The following TNS3 variants were observed in gnomAD, a reference collection of about 807,000 sequenced individuals.
TNS3 encodes the protein tensin-3.
Under a neutral mutation model 140.9 loss-of-function variants are expected in TNS3, and 45 were observed. The observed-to-expected ratio is 0.32, with a 90% CI of 0.25 to 0.41. The LOEUF (loss-of-function observed/expected upper bound fraction) is 0.41, where lower values mean the gene tolerates loss of function less well. TNS3 is among the 10% of genes least tolerant of loss of function. TNS3 has a pLI of 1.00. For missense variants in TNS3, 1,716 were observed against 1,906.7 expected, an observed-to-expected ratio of 0.90 and a Z score of 1.86; for synonymous variants, 815 against 788.4, an observed-to-expected ratio of 1.03 and a Z score of -0.56.
chr7:47,335,802 G>A (rs1243836335), intron 20 of TNS3, among the ~76,000 whole-genome samples: 1 of 152,206 alleles, frequency 6.6e-6, no homozygotes, highest in Non-Finnish European at 1.5e-5. Context: ...CAGTAGGAAT[G>A]ACTACTGTTG....
chr7:47,506,648 T>C (rs771093805), intron 3 of TNS3, among the ~76,000 whole-genome samples: 1 of 151,914 alleles, frequency 6.6e-6, no homozygotes, highest in Non-Finnish European at 1.5e-5. Context: ...GAAGGAGCTG[T>C]TGATGTGGCC....
chr7:47,423,517 G>A (rs1045915793), intron 10 of TNS3, among the ~76,000 whole-genome samples: 1 of 152,258 alleles, frequency 6.6e-6, no homozygotes, highest in Non-Finnish European at 1.5e-5. Flanking sequence ...GCAGAGAAGG[G>A]AGAGATGGGC....
chr7:47,374,766 G>A (rs1791279307), intron 16 of TNS3, among the ~76,000 whole-genome samples: 1 of 152,230 alleles, frequency 6.6e-6, no homozygotes, highest in Non-Finnish European at 1.5e-5. Context: ...TTCTGGTTTG[G>A]AAAAGTGATG....
chr7:47,428,435 A>T (rs1794766862), intron 8 of TNS3, 59 bp from the exon 9 acceptor site: 1 of 1,279,690 alleles, frequency 7.8e-7, no homozygotes, highest in South Asian at 2.3e-5. Flanking sequence ...AGATGTAATT[A>T]GAACAGGAAA....
chr7:47,524,286 G>C (rs1799097997), intron 2 of TNS3, among the ~76,000 whole-genome samples: 1 of 152,212 alleles, frequency 6.6e-6, no homozygotes. Flanking sequence ...TTAGGGTTGA[G>C]AAAATGGGCT....
chr7:47,508,222 G>A (rs1301758792), intron 2 of TNS3, among the ~76,000 whole-genome samples: 1 of 152,210 alleles, frequency 6.6e-6, no homozygotes, highest in East Asian at 1.9e-4. Flanking sequence ...CTTGCCCACT[G>A]CCTGGCAATT....
chr7:47,460,948 T>C (rs1796465403), intron 4 of TNS3, among the ~76,000 whole-genome samples: 2 of 152,228 alleles, frequency 1.3e-5, no homozygotes, highest in Non-Finnish European at 2.9e-5. Context: ...GTGCATCATA[T>C]ACCTTAACAT....
intron 16 of TNS3, among the ~76,000 whole-genome samples, chr7:47,371,971 C>T (rs1463050441): frequency 6.6e-6 from 1 of 152,254 alleles, no homozygotes; most frequent in Non-Finnish European, 1.5e-5. Context: ...AATGGCATAG[C>T]ACACGGGTGA....
At chr7:47,344,690 A>C in intron 20 of TNS3, 65 bp downstream of exon 20, 9 of 1,466,036 alleles carry the variant, frequency 6.1e-6, no homozygotes, top group Non-Finnish European at 8.4e-6. Context: ...TCTCTGTAAA[A>C]ATGGCGACCC....
At chr7:47,355,098 G>A (rs548832961) in intron 17 of TNS3, among the ~76,000 whole-genome samples, 4 of 152,360 alleles carry the variant, frequency 2.6e-5, no homozygotes, top group African/African-American at 9.6e-5. Context: ...GTTATTCACG[G>A]GTGGAGCCGG....
chr7:47,391,403 C>T (rs562227767), intron 16 of TNS3, among the ~76,000 whole-genome samples: 12 of 152,190 alleles, frequency 7.9e-5, no homozygotes, highest in South Asian at 6.2e-4. Context: ...ATATGAGATG[C>T]GTGAATATGA....
chr7:47,389,154 A>AGCAGC (rs1554310555), intron 16 of TNS3, among the ~76,000 whole-genome samples: 1 of 82,208 alleles, frequency 1.2e-5, no homozygotes, highest in African/African-American at 4.2e-5. Context: ...GAAGAAGAAG[A>AGCAGC]AGCAGAAGAA....
intron 2 of TNS3, among the ~76,000 whole-genome samples, chr7:47,515,231 C>G (rs931278364): frequency 6.6e-5 from 10 of 152,132 alleles, no homozygotes; most frequent in East Asian, 1.9e-4. Flanking sequence ...ATGTGAAAGT[C>G]AGGGACCTGA....
chr7:47,442,752 C>T (rs1356661110), intron 4 of TNS3, among the ~76,000 whole-genome samples: 1 of 152,154 alleles, frequency 6.6e-6, no homozygotes, highest in East Asian at 1.9e-4. Flanking sequence ...TCTTTCTGCC[C>T]CAAGCCAGGT....
At chr7:47,389,075 G>GAGA (rs1562675174) in intron 16 of TNS3, among the ~76,000 whole-genome samples, 5 of 69,288 alleles carry the variant, frequency 7.2e-5, no homozygotes, top group African/African-American at 3.4e-4. Flanking sequence ...AGAAGAAGAA[G>GAGA]AAGAAGAAGA....
At chr7:47,539,907 C>A (rs543021842) in intron 1 of TNS3, among the ~76,000 whole-genome samples, 1 of 152,298 alleles carries the variant, frequency 6.6e-6, no homozygotes, top group East Asian at 1.9e-4. Context: ...CCTTCTGAGT[C>A]CTCCCAGAAG....
At position 47,521,310 on chromosome 7, in the gene TNS3, C is replaced by G. The variant is rs1009194397; in HGVS notation, c.-153+7726G>C. Among the ~76,000 whole-genome samples the G allele has an allele frequency of 4.6e-5, 7 of 152,200 alleles. No individual in the cohort carries two copies. The East Asian group carries it at 1.3e-3, about 29-fold the overall frequency. ...TGTTCCTGCTCACTACTCCAGCCCACTAGACTCCGAGCCCTTCGAAGCCTT... is the reference window on the plus strand; with the variant it reads ...TGTTCCTGCTCACTACTCCAGCCCAGTAGACTCCGAGCCCTTCGAAGCCTT... On this transcript the variant is annotated intron_variant, in intron 2 of 30. Transcript: ENST00000311160.
chr7:47,472,110 C>T (rs1021784308), intron 4 of TNS3, among the ~76,000 whole-genome samples: 3 of 152,316 alleles, frequency 2.0e-5, no homozygotes, highest in South Asian at 4.1e-4. Flanking sequence ...CCAGCCTCTG[C>T]CTCTGTCATC....
intron 2 of TNS3, among the ~76,000 whole-genome samples, chr7:47,526,750 C>T (rs1394578011): frequency 6.6e-6 from 1 of 152,236 alleles, no homozygotes; most frequent in Non-Finnish European, 1.5e-5. Context: ...CTGCTCATGA[C>T]AGCTCTCCCA....
Sources: allele counts gnomAD v4.1 joint callset (sites outside exome capture counted in the v4.1 genomes callset), GRCh38; gene constraint gnomAD v4.1.1; transcripts MANE v1.5; gene names NCBI Gene and HGNC (gene_info 2026-07-23, HGNC 2026-07-21).